NEBL: variants seen among roughly 807,000 people sequenced by gnomAD.
The protein encoded by NEBL is LIM and SH3 protein 2.
In NEBL, 122 loss-of-function variants were observed where a neutral mutation model predicts 140.2. That is an observed-to-expected ratio of 0.87 (90% CI 0.75 to 1.01). The LOEUF is 1.01. NEBL is among the 50% of genes least tolerant of loss of function. The pLI, the probability that NEBL is intolerant of heterozygous loss-of-function variation, is 0.00. For synonymous variants in NEBL, 436 were observed against 398.9 expected, an observed-to-expected ratio of 1.09 and a Z score of -1.11; for missense variants, 1,365 against 1,231.3, an observed-to-expected ratio of 1.11 and a Z score of -1.62.
intron 1 of NEBL, among the ~76,000 whole-genome samples, chr10:21,255,770 G>T (rs1005012684): frequency 1.3e-5 from 2 of 152,020 alleles, no homozygotes; most frequent in Admixed American, 1.3e-4. Context: ...GGCCAAGGTG[G>T]GCAGATCACG....
chr10:20,893,989 C>T (rs956720746), intron 2 of NEBL, among the ~76,000 whole-genome samples: 4 of 152,120 alleles, frequency 2.6e-5, no homozygotes, highest in African/African-American at 9.7e-5. Flanking sequence ...ATAAAGGGTG[C>T]TAGAAGCTAA....
intron 2 of NEBL, among the ~76,000 whole-genome samples, chr10:21,052,613 A>G (rs1252084057): frequency 6.6e-6 from 1 of 152,242 alleles, no homozygotes. Context: ...TATATAGAGC[A>G]AAGTCTGTAG....
Position 20,817,618 on chromosome 10 carries a change from G to A in NEBL, c.2130C>T (p.Asn710=), listed in dbSNP as rs759652600. 6.2e-7 allele frequency: 1 copy of A among 1,613,346 alleles called. No homozygotes were observed. The highest frequency in any genetic ancestry group is 8.5e-7 in the Non-Finnish European group (1 of 1,179,306). The change falls in exon 21 of 28, where the codon AAC becomes AAT. Residue 710 remains asparagine, a synonymous_variant. Transcript: ENST00000377122. ...ATCACACATTGCTGATGTTTTTCTG[G>A]TTTTCTTTTGCCCTCTTCAGCTCTG... is the stretch of plus-strand genomic sequence containing the variant. The part of the protein sequence containing the change: ...DPPELKRAKE[N]QKNISNVYYR...
rs534177860 is a variant in NEBL at position 21,167,412 on chromosome 10, A to G, written c.164+4971T>C. Among the ~76,000 whole-genome samples the G allele has an allele frequency of 3.9e-5, 6 of 152,354 alleles. No individual in the cohort carries two copies. The South Asian group carries it at 1.2e-3, about 32-fold the overall frequency. ...CAGAGGAAATGTTCAGCCCAAAAAT[A>G]TGTCTGTGAATAATGTTCAGCCGAA... On this transcript the variant is annotated intron_variant, in intron 2 of 6. Transcript: ENST00000417816.
intron 1 of NEBL, among the ~76,000 whole-genome samples, chr10:21,283,135 CAAAAA>C (rs35005779): frequency 4.9e-5 from 6 of 121,452 alleles, no homozygotes; most frequent in East Asian, 2.4e-4. Flanking sequence ...GACTGTGTCT[CAAAAA>C]AAAAAAAAAA....
chr10:21,219,899 C>A lies in NEBL; in HGVS notation n.348+28022G>T, dbSNP rs1248252729. ...TTGGAAAGTTCATTGTTAGTGTATA[C>A]AAATGCTATTAATTTTTGTTTGTTT... On this transcript the variant is annotated intron_variant and non_coding_transcript_variant, in intron 3 of 8. Transcript: ENST00000675702. Among the ~76,000 whole-genome samples, 6 of 138,860 alleles carry A rather than the reference C, an allele frequency of 4.3e-5. No homozygotes were observed. The East Asian group carries it at 1.3e-3, about 31-fold the overall frequency. The allele number at this position is 138,860 out of a possible 152,430, so 91.1% of individuals were successfully genotyped here. A position where few individuals can be genotyped will look rare whatever the true frequency, so the allele number is the denominator to read the frequency against.
chr10:21,034,597 G>A (rs913923282), intron 2 of NEBL, among the ~76,000 whole-genome samples: 1 of 152,176 alleles, frequency 6.6e-6, no homozygotes, highest in Non-Finnish European at 1.5e-5. Flanking sequence ...AATTTCAACA[G>A]ACTAATATCT....
chr10:21,275,221 C>A (rs1842905599), intron 1 of NEBL, among the ~76,000 whole-genome samples: 1 of 152,184 alleles, frequency 6.6e-6, no homozygotes, highest in South Asian at 2.1e-4. Context: ...GGTCCTGACT[C>A]CCAGAAACTA....
intron 9 of NEBL, 77 bp from the exon 10 acceptor site, chr10:20,852,726 G>A (rs1842675024): frequency 8.2e-7 from 1 of 1,220,736 alleles, no homozygotes; most frequent in Admixed American, 2.0e-5. Flanking sequence ...AATACAAACT[G>A]CACATTACAA....
At chr10:21,270,455 C>T (rs1842848532) in intron 1 of NEBL, among the ~76,000 whole-genome samples, 1 of 151,968 alleles carries the variant, frequency 6.6e-6, no homozygotes. Context: ...CAACTTCCAC[C>T]TCCTGAGTTC....
chr10:20,901,891 T>A (rs1386201077), upstream of NEBL, among the ~76,000 whole-genome samples: 1 of 152,232 alleles, frequency 6.6e-6, no homozygotes, highest in Non-Finnish European at 1.5e-5. Flanking sequence ...AGATAAATCA[T>A]TTCTTGAAAG....
chr10:21,064,745 T>C (rs551227198), intron 2 of NEBL, among the ~76,000 whole-genome samples: 3 of 152,140 alleles, frequency 2.0e-5, no homozygotes, highest in South Asian at 2.1e-4. Flanking sequence ...AGAAATGCAA[T>C]GTAAATTTGA....
chr10:20,823,119 G>T, intron 19 of NEBL, 89 bp downstream of exon 19: 1 of 955,312 alleles, frequency 1.0e-6, no homozygotes, highest in Non-Finnish European at 1.6e-6. Flanking sequence ...GGTTCATTGT[G>T]ATGGCATTTG....
At chr10:21,176,220 C>T (rs542283917), upstream of NEBL, among the ~76,000 whole-genome samples, 88 of 152,218 alleles carry the variant, frequency 5.8e-4, no homozygotes, top group Middle Eastern at 3.4e-3. Flanking sequence ...CCATGCTGGT[C>T]TCAAACTCCT....
chr10:20,792,736 G>A (rs1462662617), intron 26 of NEBL, among the ~76,000 whole-genome samples: 3 of 151,674 alleles, frequency 2.0e-5, no homozygotes, highest in Admixed American at 2.0e-4. Flanking sequence ...TGAAGAGGAG[G>A]TTGCAGTGAG....
chr10:20,904,302 GCA>G (rs1241903415), intron 4 of NEBL, among the ~76,000 whole-genome samples: 2 of 152,198 alleles, frequency 1.3e-5, no homozygotes, highest in East Asian at 3.9e-4. Flanking sequence ...TCCTTACTAT[GCA>G]TTTATATGTG....
chr10:20,809,126 T>C (rs1032104902), intron 25 of NEBL, among the ~76,000 whole-genome samples: 1 of 152,150 alleles, frequency 6.6e-6, no homozygotes, highest in African/African-American at 2.4e-5. Flanking sequence ...TCTATTCACA[T>C]CAAAAATTAA....
Position 20,961,714 on chromosome 10 carries a change from A to G in NEBL, c.315T>C (p.Pro105=), listed in dbSNP as rs751225608. ...GAGTCCTCTTCAGTCTCTGTAGCTC[A>G]GGAGTGTCCGTGACGATGCTGAAGC... Residue 105 remains proline (P), a synonymous_variant, in exon 4 of 7, where the codon CCT becomes CCC. Transcript: ENST00000417816. 7.4e-6 allele frequency: 12 copies of G among 1,613,792 alleles called. No homozygotes were observed. The Admixed American group carries it at 1.7e-4, about 22-fold the overall frequency.
At chr10:20,925,968 G>A (rs144880561) in intron 4 of NEBL, among the ~76,000 whole-genome samples, 33 of 152,276 alleles carry the variant, frequency 2.2e-4, no homozygotes, top group Admixed American at 1.2e-3. Flanking sequence ...TGGGCCATTC[G>A]TAAACAGGTG....
Sources: gnomAD v4.1 joint callset for allele counts (sites outside exome capture counted in the v4.1 genomes callset) on GRCh38, gnomAD v4.1.1 for gene constraint, MANE v1.5 for transcripts, NCBI Gene and HGNC (gene_info 2026-07-23, HGNC 2026-07-21) for gene names.